The following USP54 variants were observed in gnomAD, a reference collection of about 807,000 sequenced individuals.
The protein encoded by USP54 is ubiquitin carboxyl-terminal hydrolase 54.
USP54 carries 87 observed loss-of-function variants against 170.5 expected under a neutral mutation model. That is an observed-to-expected ratio of 0.51 (90% CI 0.43 to 0.61). The LOEUF is 0.61. Among genes scored for constraint, USP54 ranks in the 20% least tolerant of loss-of-function variants. The probability of loss-of-function intolerance (pLI) is 0.00; values close to 1 mark genes in which losing one functional copy is unlikely to be tolerated. For missense variants in USP54, 1,786 were observed against 2,047.8 expected (o/e 0.87, Z 2.47); for synonymous variants, 655 against 742.8 (o/e 0.88, Z 1.92).
chr10:73,614,521 C>T (rs1383334515), intron 1 of USP54, among the ~76,000 whole-genome samples: 4 of 137,344 alleles, frequency 2.9e-5, no homozygotes, highest in Admixed American at 7.7e-5. Context: ...GATCACGCCA[C>T]GGCACTCCAG....
chr10:73,530,140 C>T lies in USP54; in HGVS notation c.1828+3G>A, dbSNP rs1405713098. Reference sequence around the variant, plus strand: ...CCCAATTCTTCCCTAATTATCTCCTCACCTGAATCCTCAGAAAAGGGGCTA... The same window carrying T: ...CCCAATTCTTCCCTAATTATCTCCTTACCTGAATCCTCAGAAAAGGGGCTA... On this transcript the variant is annotated splice_donor_region_variant and intron_variant, in intron 14 of 23. Transcript: ENST00000687698. 4 of 1,602,936 alleles carry T rather than the reference C, an allele frequency of 2.5e-6. No homozygotes were observed. In the Admixed American group the frequency reaches 5.2e-5, roughly 21 times the overall value.
At chr10:73,527,535 C>A (rs1195275167) in intron 15 of USP54, among the ~76,000 whole-genome samples, 1 of 149,842 alleles carries the variant, frequency 6.7e-6, no homozygotes, top group Non-Finnish European at 1.5e-5. Context: ...AGAAAAATTG[C>A]CTCTGTGGCA....
At chr10:73,618,921 T>G (rs1256282566) in intron 1 of USP54, among the ~76,000 whole-genome samples, 2 of 148,478 alleles carry the variant, frequency 1.3e-5, no homozygotes, top group Admixed American at 1.3e-4. Flanking sequence ...AAAAAAAATT[T>G]TTTTGGTAGA....
At chr10:73,569,755 A>C (rs2074651129) in intron 4 of USP54, among the ~76,000 whole-genome samples, 1 of 149,534 alleles carries the variant, frequency 6.7e-6, no homozygotes, top group South Asian at 2.3e-4. Context: ...TCCGTCTCAA[A>C]AAAAAAAAAG....
At chr10:73,614,478 T>A (rs899389436) in intron 1 of USP54, among the ~76,000 whole-genome samples, 2 of 145,346 alleles carry the variant, frequency 1.4e-5, no homozygotes, top group African/African-American at 5.4e-5. Context: ...GAGAATCGCT[T>A]GAACCCCAGT....
At chr10:73,571,286 C>A in intron 4 of USP54, 135 bp downstream of exon 4, 1 of 690,050 alleles carries the variant, frequency 1.4e-6, no homozygotes, top group Non-Finnish European at 2.4e-6. Context: ...CAAATCATAT[C>A]CATTTTTGCA....
rs2061123901 is a variant in USP54 at position 73,516,581 on chromosome 10, C to T, written c.3845G>A (p.Gly1282Glu). ...GGAATCATGAGGGGAGGACTTCATT[C>T]CTGGCCTAGGTGCCCCATGCTTAAG... ...SQLKHGAPRP[G>E]MKSSPHDSHT... is the part of the protein sequence containing the mutation. The change falls in exon 20 of 24, where the codon GGA becomes GAA. Residue 1282 changes from glycine (G) to glutamate (E), a missense_variant. Gly to Glu is a moderately conservative substitution (Grantham distance 98). Around this residue, in one of 3 missense-constraint regions of USP54, gnomAD observed 1,418 missense variants for 1,569.0 expected, o/e 0.90. Transcript: ENST00000687698. 6.2e-7 allele frequency: 1 copy of T among 1,614,220 alleles called. No homozygotes were observed. Among genetic ancestry groups the T allele is most frequent in the East Asian group, 2.2e-5 (1 of 44,882 alleles).
chr10:73,541,248 G>A, intron 9 of USP54, 127 bp downstream of exon 9: 1 of 1,357,172 alleles, frequency 7.4e-7, no homozygotes, highest in Non-Finnish European at 1.0e-6. Flanking sequence ...ACACAAATAA[G>A]TTTATCTGTC....
intron 4 of USP54, among the ~76,000 whole-genome samples, chr10:73,546,020 C>G (rs900625582): frequency 6.6e-6 from 1 of 152,114 alleles, no homozygotes; most frequent in Admixed American, 6.6e-5. Context: ...TACACGTAAA[C>G]GTTATCAACA....
chr10:73,580,698 G>A (rs1589282103), intron 1 of USP54, among the ~76,000 whole-genome samples: 1 of 151,876 alleles, frequency 6.6e-6, no homozygotes, highest in Non-Finnish European at 1.5e-5. Flanking sequence ...TCAGCCTCCC[G>A]AGTAGCTGGG....
chr10:73,516,589 A>G lies in USP54; in HGVS notation c.3837T>C (p.Pro1279=), dbSNP rs763279237. The stretch of plus-strand genomic sequence containing the variant: ...GAGGGGAGGACTTCATTCCTGGCCT[A>G]GGTGCCCCATGCTTAAGCTGAGAAT... The part of the protein sequence containing the change: ...FCDSQLKHGA[P]RPGMKSSPHD... The change falls in exon 20 of 24, where the codon CCT becomes CCC. Residue 1279 remains proline, a synonymous_variant. Transcript: ENST00000687698. 4 of 1,614,232 alleles carry G rather than the reference A, an allele frequency of 2.5e-6. No individual in the cohort carries two copies. The African/African-American group carries it at 5.3e-5, about 22-fold the overall frequency.
intron 4 of USP54, among the ~76,000 whole-genome samples, chr10:73,562,836 G>A (rs1245478291): frequency 6.6e-6 from 1 of 152,122 alleles, no homozygotes; most frequent in Non-Finnish European, 1.5e-5. Flanking sequence ...GTGGTTACAT[G>A]GTACAAGTTC....
intron 1 of USP54, among the ~76,000 whole-genome samples, chr10:73,616,204 G>C (rs1055317773): frequency 4.7e-5 from 7 of 149,620 alleles, no homozygotes; most frequent in Non-Finnish European, 1.0e-4. Flanking sequence ...CAGGGATGGT[G>C]GCAAGTGCCT....
chr10:73,571,184 T>C (rs1037725656), intron 4 of USP54, among the ~76,000 whole-genome samples: 4 of 143,086 alleles, frequency 2.8e-5, no homozygotes, highest in Non-Finnish European at 4.6e-5. Context: ...ACTTGCATAG[T>C]ATTCTATCAC....
Position 73,541,500 on chromosome 10 carries a change from T to C in USP54, c.700A>G (p.Arg234Gly), listed in dbSNP as rs1254804662. Residue 234 changes from arginine (R) to glycine (G), a missense_variant, in exon 9 of 24, where the codon AGG (arginine) becomes GGG (glycine). Physicochemically the swap from Arg to Gly is moderately radical, Grantham distance 125 (BLOSUM62 -2). Coordinates refer to ENST00000687698, the MANE Select transcript of USP54 (RefSeq NM_001391956.1). ...GCATTCATCAACACACGGCGAATCC[T>C]GATCCTCTCTCCACAGTTGCTCTGA... ...NCPSNCGERI[R>G]IRRVLMNAPQ... The C allele has an allele frequency of 6.2e-7, 1 of 1,614,250 alleles. No homozygotes were observed. The highest frequency in any genetic ancestry group is 1.3e-5 in the African/African-American group (1 of 75,064).
At chr10:73,603,086 T>C (rs2079331104) in intron 1 of USP54, among the ~76,000 whole-genome samples, 1 of 152,084 alleles carries the variant, frequency 6.6e-6, no homozygotes, top group Non-Finnish European at 1.5e-5. Context: ...GTATTTTTAC[T>C]TCAGTCATCA....
chr10:73,598,642 C>A (rs1422000946), intron 1 of USP54, among the ~76,000 whole-genome samples: 1 of 151,600 alleles, frequency 6.6e-6, no homozygotes, highest in African/African-American at 2.4e-5. Context: ...TCAGGCACAG[C>A]GGCTCACACC....
rs1239174681 is a variant in USP54, at chr10:73,529,739, C to T, written c.2001G>A (p.Arg667=). 4 of 1,613,828 alleles carry T rather than the reference C, an allele frequency of 2.5e-6. No individual in the cohort carries two copies. Among genetic ancestry groups the T allele is most frequent in the Non-Finnish European group, 3.4e-6 (4 of 1,179,864 alleles). The change falls in exon 15 of 24, where the codon AGG becomes AGA. Residue 667 remains arginine, a synonymous_variant. Transcript: ENST00000687698. ...RMESGYESSE[R]NSSSPVSLDA... Reference sequence around the variant, plus strand: ...CCAGGCTGACAGGGCTGCTGCTGTTCCTCTCACTGCTTTCATAGCCAGATT... The same window carrying T: ...CCAGGCTGACAGGGCTGCTGCTGTTTCTCTCACTGCTTTCATAGCCAGATT...
chr10:73,571,137 C>CCA (rs2075100813), intron 4 of USP54, among the ~76,000 whole-genome samples: 1 of 44,326 alleles, frequency 2.3e-5, no homozygotes, highest in Non-Finnish European at 6.1e-5. Context: ...GACTTCATCC[C>CCA]AAAAAAAAAA....
Sources: gnomAD v4.1 joint callset for allele counts (sites outside exome capture counted in the v4.1 genomes callset) on GRCh38, gnomAD v4.1.1 for gene constraint, gnomAD v4.1.1 regional missense constraint, MANE v1.5 for transcripts, NCBI Gene and HGNC (gene_info 2026-07-23, HGNC 2026-07-21) for gene names.